Variants in CTNNA3 observed in about 807,000 individuals in gnomAD.
The protein encoded by CTNNA3 is catenin alpha-3.
CTNNA3 carries 76 observed loss-of-function variants against 95.7 expected under a neutral mutation model. That is an observed-to-expected ratio of 0.79 (90% CI 0.66 to 0.96). CTNNA3 has a LOEUF of 0.96. Ranked by LOEUF, CTNNA3 falls within the 40% of genes least tolerant of loss-of-function variation. The probability of loss-of-function intolerance (pLI) is 0.00; values close to 1 mark genes in which losing one functional copy is unlikely to be tolerated. For synonymous variants in CTNNA3, 431 were observed against 374.4 expected (o/e 1.15, Z -1.74); for missense variants, 1,191 against 1,089.8 (o/e 1.09, Z -1.31).
At chr10:67,419,266 A>G (rs1196054451) in intron 5 of CTNNA3, among the ~76,000 whole-genome samples, 2 of 152,256 alleles carry the variant, frequency 1.3e-5, no homozygotes, top group East Asian at 1.9e-4. Context: ...AACAAATTAT[A>G]TAATTAGATA....
intron 3 of CTNNA3, among the ~76,000 whole-genome samples, chr10:67,586,796 T>C (rs1842640212): frequency 2.0e-5 from 3 of 152,138 alleles, no homozygotes; most frequent in Admixed American, 1.3e-4. Context: ...TCAAAGTTAT[T>C]ATTGATATGT....
At chr10:67,107,297 A>G (rs1305930177) in intron 7 of CTNNA3, among the ~76,000 whole-genome samples, 1 of 152,040 alleles carries the variant, frequency 6.6e-6, no homozygotes, top group South Asian at 2.1e-4. Flanking sequence ...TATTTCCCAC[A>G]TTTTTCTGAA....
intron 9 of CTNNA3, among the ~76,000 whole-genome samples, chr10:66,742,189 G>A (rs957924777): frequency 1.3e-5 from 2 of 152,134 alleles, no homozygotes; most frequent in Non-Finnish European, 2.9e-5. Context: ...TCCCTGAGGG[G>A]AAGCCTCTGA....
Position 65,918,436 on chromosome 10 carries a change from A to G in CTNNA3, c.*1894T>C, listed in dbSNP as rs1416763096. On this transcript the variant is annotated 3_prime_UTR_variant, in exon 18 of 18. Coordinates refer to ENST00000433211, the MANE Select transcript of CTNNA3 (RefSeq NM_013266.4). ...TTATACTTCTATCTGGAAGAAGGAT[A>G]TACCACAGATGTCACTCGTGCAACA... is the stretch of plus-strand genomic sequence containing the variant. The G allele has an allele frequency of 6.6e-6, 1 of 152,104 alleles. No homozygotes were observed. Among genetic ancestry groups the G allele is most frequent in the Non-Finnish European group, 1.5e-5 (1 of 68,010 alleles). The allele number at this position is 152,104 out of a possible 1,614,324, so 9.4% of individuals were successfully genotyped here. A position where few individuals can be genotyped will look rare whatever the true frequency, so the allele number is the denominator to read the frequency against.
At chr10:66,103,063 G>T in intron 14 of CTNNA3, 94 bp downstream of exon 14, 1 of 951,558 alleles carries the variant, frequency 1.1e-6, no homozygotes, top group Non-Finnish European at 1.7e-6. Flanking sequence ...AGATCCAGGA[G>T]TCCCACCCAT....
At chr10:67,011,220 A>G (rs928719507) in intron 7 of CTNNA3, among the ~76,000 whole-genome samples, 5 of 151,896 alleles carry the variant, frequency 3.3e-5, no homozygotes, top group African/African-American at 1.2e-4. Context: ...ATGTGACTGT[A>G]GTCCCAGCTA....
chr10:67,405,993 C>G (rs1473334439), intron 5 of CTNNA3, among the ~76,000 whole-genome samples: 1 of 152,146 alleles, frequency 6.6e-6, no homozygotes, highest in Non-Finnish European at 1.5e-5. Context: ...ATGGGAGGAA[C>G]CTGGTGGGAA....
intron 17 of CTNNA3, among the ~76,000 whole-genome samples, chr10:65,948,692 G>A (rs1005074252): frequency 6.6e-6 from 1 of 152,024 alleles, no homozygotes; most frequent in African/African-American, 2.4e-5. Flanking sequence ...ATGTCTATTT[G>A]AACATTTCTG....
At chr10:66,393,583 A>T (rs1030498998) in intron 11 of CTNNA3, among the ~76,000 whole-genome samples, 1 of 152,194 alleles carries the variant, frequency 6.6e-6, no homozygotes, top group South Asian at 2.1e-4. Flanking sequence ...TTTTCTGAGA[A>T]TATAACTAAG....
At chr10:66,645,968 A>T (rs750788571) in intron 9 of CTNNA3, among the ~76,000 whole-genome samples, 9 of 152,190 alleles carry the variant, frequency 5.9e-5, no homozygotes, top group Non-Finnish European at 1.0e-4. Context: ...GCTATAGTGT[A>T]AAACTTAATA....
At chr10:66,227,671 G>A (rs984725782) in intron 13 of CTNNA3, among the ~76,000 whole-genome samples, 5 of 152,044 alleles carry the variant, frequency 3.3e-5, no homozygotes, top group Admixed American at 2.6e-4. Flanking sequence ...TGGTATCAGG[G>A]TAATGCTTCC....
chr10:66,526,254 C>T (rs1841255445), intron 10 of CTNNA3, among the ~76,000 whole-genome samples: 1 of 152,128 alleles, frequency 6.6e-6, no homozygotes, highest in Non-Finnish European at 1.5e-5. Flanking sequence ...GGCTCAATCT[C>T]AGCTCACAGC....
chr10:65,953,707 T>A (rs951282493), intron 17 of CTNNA3, among the ~76,000 whole-genome samples: 2 of 152,138 alleles, frequency 1.3e-5, no homozygotes, highest in Non-Finnish European at 2.9e-5. Flanking sequence ...CCTACAAAGG[T>A]CACGAACTCA....
At chr10:67,223,435 G>C (rs184277932) in intron 5 of CTNNA3, among the ~76,000 whole-genome samples, 114 of 152,312 alleles carry the variant, frequency 7.5e-4, no homozygotes, top group Admixed American at 3.1e-3. Context: ...GGATGGAGAA[G>C]TATAAAGAAT....
chr10:67,094,026 A>G (rs1857818429), intron 7 of CTNNA3, among the ~76,000 whole-genome samples: 1 of 151,918 alleles, frequency 6.6e-6, no homozygotes, highest in Non-Finnish European at 1.5e-5. Flanking sequence ...CTGACTTCCT[A>G]CTCGAATTAA....
chr10:66,866,410 C>T (rs1844180834), intron 7 of CTNNA3, among the ~76,000 whole-genome samples: 1 of 152,214 alleles, frequency 6.6e-6, no homozygotes, highest in African/African-American at 2.4e-5. Flanking sequence ...ATCATAATTG[C>T]TCAACATCTA....
At chr10:66,099,030 T>C (rs778588329) in intron 14 of CTNNA3, among the ~76,000 whole-genome samples, 25 of 152,170 alleles carry the variant, frequency 1.6e-4, no homozygotes, top group Non-Finnish European at 2.6e-4. Context: ...CTGAAGCTAG[T>C]AGGAATGAAT....
intron 16 of CTNNA3, among the ~76,000 whole-genome samples, chr10:65,971,875 A>C (rs2078111624): frequency 6.6e-6 from 1 of 152,114 alleles, no homozygotes; most frequent in African/African-American, 2.4e-5. Flanking sequence ...CTCTGATACC[A>C]ATATCTCTGA....
intron 9 of CTNNA3, among the ~76,000 whole-genome samples, chr10:66,658,771 G>T (rs905349274): frequency 6.6e-6 from 1 of 152,128 alleles, no homozygotes; most frequent in Non-Finnish European, 1.5e-5. Flanking sequence ...TCAGTTGACT[G>T]CAACCTGTGC....
Sources: allele counts gnomAD v4.1 joint callset (sites outside exome capture counted in the v4.1 genomes callset), GRCh38; gene constraint gnomAD v4.1.1; transcripts MANE v1.5; gene names NCBI Gene and HGNC (gene_info 2026-07-23, HGNC 2026-07-21).